Variants in MDH1B observed in about 807,000 individuals in gnomAD.
MDH1B encodes the protein putative malate dehydrogenase 1B.
Under a neutral mutation model 61.4 loss-of-function variants are expected in MDH1B, and 60 were observed. The observed-to-expected ratio is 0.98, with a 90% CI of 0.79 to 1.21. MDH1B has a LOEUF of 1.21. Among genes scored for constraint, MDH1B ranks in the 50% most tolerant of loss-of-function variants. MDH1B has a pLI of 0.00. For synonymous variants in MDH1B, 236 were observed against 218.7 expected, an observed-to-expected ratio of 1.08 and a Z score of -0.70; for missense variants, 587 against 632.1, an observed-to-expected ratio of 0.93 and a Z score of 0.76.
At chr2:206,740,320 G>A (rs1055336338) in intron 10 of MDH1B, among the ~76,000 whole-genome samples, 1 of 152,134 alleles carries the variant, frequency 6.6e-6, no homozygotes. Context: ...ACAATAAAGT[G>A]AGCTAGAGAA....
chr2:206,747,625 G>A (rs1312185180), intron 7 of MDH1B, among the ~76,000 whole-genome samples: 1 of 152,100 alleles, frequency 6.6e-6, no homozygotes, highest in Non-Finnish European at 1.5e-5. Context: ...TGCCCTCAGG[G>A]TGCCACAAGG....
chr2:206,755,504 C>T lies in MDH1B; in HGVS notation c.415G>A (p.Ala139Thr), dbSNP rs750308394. The change falls in exon 5 of 12, where the codon GCC becomes ACC. Residue 139 changes from alanine to threonine, a missense_variant and splice_region_variant. By Grantham distance (58) the Ala-to-Thr change is moderately conservative. Transcript: ENST00000374412. ...INPLQVWITSASAPACYNLIP... is the reference protein window; with the variant it reads ...INPLQVWITSTSAPACYNLIP... ...AGGTTGTAGCAGGCAGGAGCAGAGG[C>T]ACTGATAAAAATGCAAAGCCGCATT... The T allele has an allele frequency of 2.1e-5, 33 of 1,608,050 alleles. No homozygotes were observed. The highest frequency in any genetic ancestry group is 2.7e-5 in the Non-Finnish European group (32 of 1,176,750).
chr2:206,757,081 T>C (rs746366602), intron 3 of MDH1B, 41 bp from the exon 4 acceptor site: 3 of 1,589,022 alleles, frequency 1.9e-6, no homozygotes, highest in Non-Finnish European at 2.6e-6. Context: ...AGAGAATAGA[T>C]AACTAGTTGA....
rs150606324 is a variant in MDH1B, at chr2:206,739,654, C to G, written c.1467G>C (p.Glu489Asp). 4.6e-5 allele frequency: 74 copies of G among 1,613,886 alleles called. No homozygotes were observed. In the African/African-American group the frequency reaches 9.2e-4, roughly 20 times the overall value. ...EKNLAMSDAA[E>D]FPNQIPQTTF... The stretch of plus-strand genomic sequence containing the variant: ...TGGTTTGAGGAATCTGATTTGGAAA[C>G]TCTGCTGCTGCAAATAGAGTTAAAA... The change falls in exon 11 of 12, where the codon GAG (glutamate) becomes GAC (aspartate). Residue 489 changes from glutamate (E) to aspartate (D), a missense_variant. Coordinates refer to ENST00000374412, the MANE Select transcript of MDH1B (RefSeq NM_001039845.3).
chr2:206,745,393 C>T (rs1482639927), intron 9 of MDH1B: 3 of 645,966 alleles, frequency 4.6e-6, no homozygotes, highest in Admixed American at 2.1e-5. Flanking sequence ...AAATATGTTA[C>T]CTACAACATT....
At chr2:206,755,669 G>A in intron 4 of MDH1B, among the ~76,000 whole-genome samples, 164 bp from the exon 5 acceptor site, 1 of 152,040 alleles carries the variant, frequency 6.6e-6, no homozygotes, top group Non-Finnish European at 1.5e-5. Flanking sequence ...GTCAAAAGTA[G>A]AACAAAAACT....
At chr2:206,751,144 A>AT in intron 5 of MDH1B, 69 bp from the exon 6 acceptor site, 1 of 1,183,008 alleles carries the variant, frequency 8.5e-7, no homozygotes, top group Non-Finnish European at 1.2e-6. Flanking sequence ...CCTGAAGCCT[A>AT]TTTTTTGTTT....
At position 206,755,457 on chromosome 2, in the gene MDH1B, G is replaced by A. The variant is rs894891042; in HGVS notation, c.462C>T (p.Gly154=). ...TTTCTGTATGCATCCCAAACACTTCGCCACTCGTCAATATGGGAATTAGGT... is the reference window on the plus strand; with the variant it reads ...TTTCTGTATGCATCCCAAACACTTCACCACTCGTCAATATGGGAATTAGGT... ...CYNLIPILTS[G]EVFGMHTEIS... Residue 154 remains glycine (G), a synonymous_variant, in exon 5 of 12, where the codon GGC becomes GGT. Transcript: ENST00000374412. The A allele has an allele frequency of 3.1e-6, 5 of 1,614,050 alleles. No individual in the cohort carries two copies. The East Asian group carries it at 8.9e-5, about 29-fold the overall frequency.
intron 11 of MDH1B, 70 bp from the exon 12 acceptor site, chr2:206,738,581 CT>C: frequency 8.5e-7 from 1 of 1,172,590 alleles, no homozygotes. Context: ...TTATTATTAG[CT>C]TTTTTGTTTG....
intron 7 of MDH1B, 25 bp downstream of exon 7, chr2:206,748,994 AC>A (rs1688279900): frequency 6.2e-7 from 1 of 1,603,594 alleles, no homozygotes; most frequent in Non-Finnish European, 8.5e-7. Flanking sequence ...TTAAGATTTT[AC>A]AAGATATGAA....
At chr2:206,757,491 T>A in intron 2 of MDH1B, 120 bp from the exon 3 acceptor site, 1 of 753,874 alleles carries the variant, frequency 1.3e-6, no homozygotes, top group South Asian at 2.6e-5. Context: ...ATACACATAA[T>A]ATAATTTAGA....
At chr2:206,739,742 GTTCC>G (rs1417526866) in intron 10 of MDH1B, 81 bp from the exon 11 acceptor site, 75 of 1,271,698 alleles carry the variant, frequency 5.9e-5, no homozygotes, top group Non-Finnish European at 7.6e-5. Flanking sequence ...CTTCTATCTT[GTTCC>G]TTCCACTCTG....
At chr2:206,744,665 G>A (rs1205781972) in intron 9 of MDH1B, among the ~76,000 whole-genome samples, 1 of 151,928 alleles carries the variant, frequency 6.6e-6, no homozygotes, top group Non-Finnish European at 1.5e-5. Flanking sequence ...GGTGGCTCAT[G>A]CCTGTAATCT....
At chr2:206,764,825 C>T (rs1331141226) in intron 1 of MDH1B, among the ~76,000 whole-genome samples, 1 of 152,124 alleles carries the variant, frequency 6.6e-6, no homozygotes, top group East Asian at 1.9e-4. Context: ...AAGCTTCCTG[C>T]CTCTCTGCTT....
Position 206,760,904 on chromosome 2 carries a change from C to A in MDH1B, c.132G>T (p.Trp44Cys), listed in dbSNP as rs376380517. The A allele has an allele frequency of 5.0e-4, 796 of 1,593,920 alleles. 7 individuals are homozygous for A. The South Asian group carries it at 8.5e-3, about 17-fold the overall frequency. ...IHKITQRPEV[W>C]EDWLKDVCEK... ...ACAAACTATAAAGGCTTCTTACCTC[C>A]CAAACCTCAGGACGTTGTGTGATTT... The change falls in exon 2 of 12, where the codon TGG becomes TGT. Residue 44 changes from tryptophan to cysteine, a missense_variant. By Grantham distance (215) the Trp-to-Cys change is radical (BLOSUM62 -2). Coordinates refer to ENST00000374412, the MANE Select transcript of MDH1B (RefSeq NM_001039845.3).
At chr2:206,748,755 G>T (rs1025762154) in intron 7 of MDH1B, among the ~76,000 whole-genome samples, 1 of 152,196 alleles carries the variant, frequency 6.6e-6, no homozygotes, top group East Asian at 1.9e-4. Context: ...TTTTGTTTAT[G>T]TATCTGGCTC....
intron 9 of MDH1B, among the ~76,000 whole-genome samples, chr2:206,744,750 C>A (rs965140918): frequency 3.3e-5 from 5 of 151,708 alleles, no homozygotes; most frequent in African/African-American, 1.2e-4. Flanking sequence ...CATAGTGAAA[C>A]CTCGTCTCTA....
At chr2:206,742,705 GTCTC>G (rs1244082751) in intron 9 of MDH1B, among the ~76,000 whole-genome samples, 1 of 143,462 alleles carries the variant, frequency 7.0e-6, no homozygotes, top group Non-Finnish European at 1.5e-5. Flanking sequence ...GCTGCTTGAT[GTCTC>G]TATTTTTTTT....
At chr2:206,738,752 T>C (rs999996890) in intron 11 of MDH1B, among the ~76,000 whole-genome samples, 1 of 152,180 alleles carries the variant, frequency 6.6e-6, no homozygotes, top group Non-Finnish European at 1.5e-5. Flanking sequence ...TGCTCTCTCC[T>C]GTCACCTTGC....
Sources: gnomAD v4.1 joint callset for allele counts (sites outside exome capture counted in the v4.1 genomes callset) on GRCh38, gnomAD v4.1.1 for gene constraint, MANE v1.5 for transcripts, NCBI Gene and HGNC (gene_info 2026-07-23, HGNC 2026-07-21) for gene names.